The following GPHN variants were observed in gnomAD, a reference collection of about 807,000 sequenced individuals.
The protein encoded by GPHN is gephyrin.
A neutral mutation model predicts 95.5 loss-of-function variants in GPHN; 17 were observed. That is an observed-to-expected ratio of 0.18 (90% CI 0.12 to 0.27). The LOEUF (loss-of-function observed/expected upper bound fraction) is 0.27. Ranked by LOEUF, GPHN falls within the 10% of genes least tolerant of loss-of-function variation. The pLI is 1.00. For synonymous variants in GPHN, 320 were observed against 322.5 expected (o/e 0.99, Z 0.08); for missense variants, 660 against 978.1 (o/e 0.67, Z 4.34).
At chr14:66,542,172 G>A (rs745618020) in intron 1 of GPHN, among the ~76,000 whole-genome samples, 3 of 152,110 alleles carry the variant, frequency 2.0e-5, no homozygotes, top group Non-Finnish European at 2.9e-5. Context: ...TAAATTAGCA[G>A]CTATATACGT....
chr14:67,093,119 A>T (rs1472173880), intron 12 of GPHN, among the ~76,000 whole-genome samples: 1 of 152,164 alleles, frequency 6.6e-6, no homozygotes, highest in Non-Finnish European at 1.5e-5. Flanking sequence ...TTTCAGAGTC[A>T]TAGGTAACAT....
the GPHN span, chr14:67,690,514 T>A: frequency 9.9e-7 from 1 of 1,015,116 alleles, no homozygotes; most frequent in Non-Finnish European, 1.5e-6. Flanking sequence ...AGGCAGATAA[T>A]TCAGAAATAA....
the GPHN span, among the ~76,000 whole-genome samples, chr14:67,626,910 T>G: frequency 6.6e-6 from 1 of 152,226 alleles, no homozygotes; most frequent in African/African-American, 2.4e-5. Context: ...AAGTACTAAT[T>G]TATGCTACAA....
chr14:67,667,816 C>T, the GPHN span, among the ~76,000 whole-genome samples: 3 of 151,996 alleles, frequency 2.0e-5, no homozygotes, highest in East Asian at 1.9e-4. Context: ...TGGTGGTGGG[C>T]GCCTGTAGTC....
In GPHN at chr14:66,681,101, A is replaced by G. The variant is rs769565502; in HGVS notation, c.65-6A>G. 1.0e-5 allele frequency: 16 copies of G among 1,536,976 alleles called. No homozygotes were observed. Among genetic ancestry groups the G allele is most frequent in the Non-Finnish European group, 1.3e-5 (15 of 1,113,110 alleles). On this transcript the variant is annotated splice_polypyrimidine_tract_variant and splice_region_variant and intron_variant, in intron 1 of 22. Coordinates refer to ENST00000478722, the MANE Select transcript of GPHN (RefSeq NM_020806.5). The stretch of plus-strand genomic sequence containing the variant: ...ATTTTTTTTTCTTTTCCCCATTTCT[A>G]TTTAGTGAGTGATAGTTGCTTCAGG...
At chr14:67,392,733 T>C in the GPHN span, 2 of 1,614,212 alleles carry the variant, frequency 1.2e-6, no homozygotes, top group Non-Finnish European at 1.7e-6. Flanking sequence ...GCTCCCATGC[T>C]TCGGACACCC....
intron 9 of GPHN, among the ~76,000 whole-genome samples, chr14:67,009,427 A>T (rs1227239245): frequency 6.6e-6 from 1 of 152,110 alleles, no homozygotes; most frequent in East Asian, 1.9e-4. Flanking sequence ...TTTATGCATC[A>T]TATAATGACC....
chr14:67,448,717 G>A, the GPHN span, among the ~76,000 whole-genome samples: 683 of 152,126 alleles, frequency 4.5e-3, 2 homozygotes, highest in African/African-American at 0.015. Flanking sequence ...TCAGTGTCAC[G>A]CTCTCAGCAT....
chr14:67,103,875 T>C (rs1018560315), intron 13 of GPHN, among the ~76,000 whole-genome samples: 5 of 152,194 alleles, frequency 3.3e-5, no homozygotes, highest in African/African-American at 1.2e-4. Flanking sequence ...TTCTCTTGCC[T>C]AATTGTTCTG....
the GPHN span, chr14:67,561,886 A>AG: frequency 1.4e-4 from 156 of 1,108,242 alleles, no homozygotes; most frequent in South Asian, 2.1e-3. Flanking sequence ...AAAAAAAAAA[A>AG]GAATTGAAAA....
At chr14:67,211,471 T>A in the GPHN span, among the ~76,000 whole-genome samples, 1 of 152,198 alleles carries the variant, frequency 6.6e-6, no homozygotes, top group Admixed American at 6.5e-5. Flanking sequence ...ATATTTTTAA[T>A]GTAGTAAAAA....
chr14:66,662,699 A>G (rs1412077375), intron 1 of GPHN, among the ~76,000 whole-genome samples: 2 of 152,360 alleles, frequency 1.3e-5, no homozygotes, highest in Admixed American at 6.5e-5. Context: ...TGCACCTTCT[A>G]ACTCAATGCA....
chr14:66,858,009 G>A (rs898442867), intron 4 of GPHN, among the ~76,000 whole-genome samples: 1 of 152,196 alleles, frequency 6.6e-6, no homozygotes, highest in African/African-American at 2.4e-5. Context: ...TAATCCCTGC[G>A]ATTGGAAAGT....
At chr14:66,909,160 A>G (rs1478623213) in intron 5 of GPHN, among the ~76,000 whole-genome samples, 3 of 152,158 alleles carry the variant, frequency 2.0e-5, no homozygotes, top group African/African-American at 7.2e-5. Context: ...TCCCTATACT[A>G]TCTTCTGCAT....
chr14:67,383,387 G>A, the GPHN span: 1 of 1,613,560 alleles, frequency 6.2e-7, no homozygotes, highest in Non-Finnish European at 8.5e-7. Context: ...AGAAAATGCC[G>A]AAGTGGATGG....
At chr14:67,395,267 G>A in the GPHN span, 1 of 700,312 alleles carries the variant, frequency 1.4e-6, no homozygotes, top group Non-Finnish European at 2.4e-6. Flanking sequence ...AGGAACAGCT[G>A]AAGGCCCTGA....
the GPHN span, chr14:67,335,621 A>T: frequency 6.6e-6 from 1 of 152,634 alleles, no homozygotes; most frequent in Non-Finnish European, 1.5e-5. Flanking sequence ...ATCAATAAGG[A>T]ATGATTTGAA....
intron 2 of GPHN, among the ~76,000 whole-genome samples, chr14:66,759,913 T>A (rs975183006): frequency 2.6e-5 from 4 of 152,206 alleles, no homozygotes; most frequent in Non-Finnish European, 5.9e-5. Context: ...ATTATAGTTT[T>A]TGTATATTTT....
chr14:66,870,824 C>T (rs918210359), intron 4 of GPHN, among the ~76,000 whole-genome samples: 4 of 152,132 alleles, frequency 2.6e-5, no homozygotes, highest in Non-Finnish European at 5.9e-5. Context: ...GAAATTTCTC[C>T]TGTAGGTCCT....
Sources: allele counts gnomAD v4.1 joint callset (sites outside exome capture counted in the v4.1 genomes callset), GRCh38; gene constraint gnomAD v4.1.1; transcripts MANE v1.5; gene names NCBI Gene and HGNC (gene_info 2026-07-23, HGNC 2026-07-21).